Variants in GPR34 observed in about 807,000 individuals in gnomAD.
The protein encoded by GPR34 is probable G protein-coupled receptor 34.
Under a neutral mutation model 14.1 loss-of-function variants are expected in GPR34, and 3 were observed. The ratio of observed to expected loss-of-function variants is 0.21; its 90% CI spans 0.10 to 0.55. The LOEUF (loss-of-function observed/expected upper bound fraction) is 0.55, where lower values mean the gene tolerates loss of function less well. Among genes scored for constraint, GPR34 ranks in the 20% least tolerant of loss-of-function variants. The pLI, the probability that GPR34 is intolerant of heterozygous loss-of-function variation, is 0.94. For missense variants in GPR34, 213 were observed against 292.8 expected (o/e 0.73, Z 1.99); for synonymous variants, 99 against 99.9 (o/e 0.99, Z 0.05).
At chrX:41,693,143 A>G (rs1398195527) in intron 2 of GPR34, among the ~76,000 whole-genome samples, 1 of 111,533 alleles carries the variant, frequency 9.0e-6, no homozygotes, top group African/African-American at 3.3e-5. Context: ...AGCTCTCAAA[A>G]TCACATTACT....
chrX:41,692,661 T>C (rs2067593470), intron 2 of GPR34, among the ~76,000 whole-genome samples: 1 of 112,349 alleles, frequency 8.9e-6, no homozygotes, highest in African/African-American at 3.2e-5. Flanking sequence ...TTCTTTGACA[T>C]GATTTGAGTT....
chrX:41,697,100 T>C lies in GPR34; in HGVS notation c.*321T>C. ...TAAAGTAGTTATTAAAATCAAGCAC[T>C]TGATACTAATTTGAAGTGTGTTTAA... On this transcript the variant is annotated 3_prime_UTR_variant, in exon 3 of 3. Coordinates refer to ENST00000378142, the MANE Select transcript of GPR34 (RefSeq NM_001097579.2). 2 of 173,747 alleles carry C rather than the reference T, an allele frequency of 1.2e-5. No homozygotes were observed. Among genetic ancestry groups the C allele is most frequent in the East Asian group, 2.7e-4 (2 of 7,369 alleles). The allele number at this position is 173,747 out of a possible 1,213,427, so 14.3% of individuals were successfully genotyped here.
chrX:41,692,570 T>C (rs1457425511), intron 2 of GPR34, among the ~76,000 whole-genome samples: 3 of 112,937 alleles, frequency 2.7e-5, no homozygotes, highest in Non-Finnish European at 3.7e-5. Context: ...AAGACACATA[T>C]AACAAAGTGA....
chrX:41,696,919 C>T lies in GPR34; in HGVS notation c.*140C>T, dbSNP rs1192025097. On this transcript the variant is annotated 3_prime_UTR_variant, in exon 3 of 3. Coordinates refer to ENST00000378142, the MANE Select transcript of GPR34 (RefSeq NM_001097579.2). The stretch of plus-strand genomic sequence containing the variant: ...TATTTGTGATATTTCATTTGCTTAA[C>T]TGTAAACCATTTCAAGGTACTAACT... 2 of 393,385 alleles carry T rather than the reference C, an allele frequency of 5.1e-6. No homozygotes were observed. The highest frequency in any genetic ancestry group is 2.5e-5 in the African/African-American group (1 of 39,369). 32.4% of individuals were successfully genotyped at this position (393,385 alleles called of 1,213,427 possible).
In GPR34 at chrX:41,696,637, G is replaced by A. The variant is rs1393417949; in HGVS notation, c.1004G>A (p.Arg335His). 4.1e-6 allele frequency: 5 copies of A among 1,210,205 alleles called. No homozygotes were observed. Among genetic ancestry groups the A allele is most frequent in the Non-Finnish European group, 3.4e-6 (3 of 894,442 alleles). ...VMYFLMSSNIRKIMCQLLFRR... is the reference protein window; with the variant it reads ...VMYFLMSSNIHKIMCQLLFRR... ...TATTTCCTGATGTCCAGTAACATTC[G>A]CAAAATAATGTGCCAACTTCTTTTT... Residue 335 changes from arginine to histidine, a missense_variant, in exon 3 of 3, where the codon CGC (arginine) becomes CAC (histidine). Physicochemically the swap from Arg to His is conservative, Grantham distance 29. Transcript: ENST00000378142.
intron 2 of GPR34, among the ~76,000 whole-genome samples, chrX:41,691,663 C>A (rs1274476796): frequency 9.3e-6 from 1 of 108,019 alleles, no homozygotes; most frequent in Admixed American, 1.0e-4. Flanking sequence ...TCAAGACCAG[C>A]CTGGCCAACA....
In GPR34 at chrX:41,696,716, A is replaced by G. The variant is rs1260379970; in HGVS notation, c.1083A>G (p.Pro361=). Residue 361 remains proline (P), a synonymous_variant, in exon 3 of 3, where the codon CCA becomes CCG. Transcript: ENST00000378142. ...GTGAAAGCACTTCAGAATTTAAACC[A>G]GGATACTCCCTGCATGATACATCTG... ...SRSESTSEFK[P]GYSLHDTSVA... 5.0e-6 allele frequency: 6 copies of G among 1,206,772 alleles called. No homozygotes were observed. The South Asian group carries it at 8.8e-5, about 18-fold the overall frequency.
intron 2 of GPR34, among the ~76,000 whole-genome samples, chrX:41,693,482 C>T (rs1272104960): frequency 5.4e-5 from 6 of 110,168 alleles, no homozygotes; most frequent in African/African-American, 1.3e-4. Flanking sequence ...GGCATGGTGG[C>T]GGGCGCCTGT....
At chrX:41,690,995 G>GTA (rs1223675959) in intron 2 of GPR34, among the ~76,000 whole-genome samples, 1 of 111,765 alleles carries the variant, frequency 8.9e-6, no homozygotes, top group East Asian at 2.8e-4. Flanking sequence ...ATCAATAATT[G>GTA]TATGCTAGCT....
At position 41,695,733 on chromosome X, in the gene GPR34, C is replaced by A; in HGVS notation, c.100C>A (p.Pro34Thr). Residue 34 changes from proline to threonine, a missense_variant, in exon 3 of 3, where the codon CCA becomes ACA. By Grantham distance (38) the Pro-to-Thr change is conservative. Transcript: ENST00000378142. ...TATAACCAATCATAGCGACCAACCG[C>A]CACAAAACTTCTCAGCAACACCAAA... ...RFITNHSDQP[P>T]QNFSATPNVT... 2 of 1,208,715 alleles carry A rather than the reference C, an allele frequency of 1.7e-6. No individual in the cohort carries two copies. Among genetic ancestry groups the A allele is most frequent in the Non-Finnish European group, 2.2e-6 (2 of 892,846 alleles).
intron 2 of GPR34, among the ~76,000 whole-genome samples, chrX:41,690,463 C>T (rs1048964814): frequency 5.5e-5 from 6 of 109,684 alleles, no homozygotes; most frequent in African/African-American, 2.0e-4. Context: ...TCTCCAGCCT[C>T]AGCCTCCGGA....
At chrX:41,692,915 G>A (rs1039770478) in intron 2 of GPR34, among the ~76,000 whole-genome samples, 1 of 112,330 alleles carries the variant, frequency 8.9e-6, no homozygotes, top group South Asian at 3.6e-4. Flanking sequence ...TACTTGTACA[G>A]CTGCTTTTAA....
At chrX:41,692,538 T>C (rs1228881252) in intron 2 of GPR34, among the ~76,000 whole-genome samples, 8 of 113,013 alleles carry the variant, frequency 7.1e-5, no homozygotes, top group Non-Finnish European at 9.4e-5. Flanking sequence ...ATTTCTATCA[T>C]TGGTTCTTGT....
At chrX:41,689,465 TAA>T (rs1168681328) in intron 1 of GPR34, among the ~76,000 whole-genome samples, 6 of 112,056 alleles carry the variant, frequency 5.4e-5, no homozygotes, top group African/African-American at 1.6e-4. Flanking sequence ...TTATTGACTT[TAA>T]GTTATGCTGT....
chrX:41,692,346 C>T (rs982156512), intron 2 of GPR34, among the ~76,000 whole-genome samples: 1 of 111,339 alleles, frequency 9.0e-6, no homozygotes, highest in Non-Finnish European at 1.9e-5. Context: ...TTTAAAAAAC[C>T]CTCAAGAGGA....
Position 41,696,166 on chromosome X carries a change from T to C in GPR34, c.533T>C (p.Val178Ala), listed in dbSNP as rs1250232113. The C allele has an allele frequency of 8.3e-7, 1 of 1,206,903 alleles. No individual in the cohort carries two copies. Among genetic ancestry groups the C allele is most frequent in the African/African-American group, 1.7e-5 (1 of 57,718 alleles). The change falls in exon 3 of 3, where the codon GTA becomes GCA. Residue 178 changes from valine to alanine, a missense_variant. Physicochemically the swap from Val to Ala is moderately conservative, Grantham distance 64. Transcript: ENST00000378142. ...CAAAGTATTTATGTCTGTTGTATAG[T>C]ATGGATGCTTGCTCTTGGTGGATTC... ...TKQSIYVCCI[V>A]WMLALGGFLT...
At chrX:41,692,656 T>G (rs1009892693) in intron 2 of GPR34, among the ~76,000 whole-genome samples, 1 of 112,442 alleles carries the variant, frequency 8.9e-6, no homozygotes, top group Admixed American at 9.4e-5. Flanking sequence ...CTTGCTTCTT[T>G]GACATGATTT....
chrX:41,693,343 G>A (rs934094923), intron 2 of GPR34, among the ~76,000 whole-genome samples: 2 of 111,629 alleles, frequency 1.8e-5, no homozygotes, highest in Non-Finnish European at 3.8e-5. Context: ...GTTGGGCATA[G>A]TGGCTCACAC....
Position 41,696,590 on chromosome X carries a change from T to C in GPR34, c.957T>C (p.Asn319=), listed in dbSNP as rs756069075. 3 of 1,209,440 alleles carry C rather than the reference T, an allele frequency of 2.5e-6. No homozygotes were observed. The highest frequency in any genetic ancestry group is 3.5e-5 in the South Asian group (2 of 56,880). The change falls in exon 3 of 3, where the codon AAT becomes AAC. Residue 319 remains asparagine, a synonymous_variant. Transcript: ENST00000378142. The part of the protein sequence containing the change: ...NEIMLVLSSF[N]SCLDPVMYFL... ...TCATGCTGGTTCTCTCATCTTTCAATAGTTGCTTAGATCCAGTCATGTATT... is the reference window on the plus strand; with the variant it reads ...TCATGCTGGTTCTCTCATCTTTCAACAGTTGCTTAGATCCAGTCATGTATT...
Sources: allele counts gnomAD v4.1 joint callset (sites outside exome capture counted in the v4.1 genomes callset), GRCh38; gene constraint gnomAD v4.1.1; transcripts MANE v1.5; gene names NCBI Gene and HGNC (gene_info 2026-07-23, HGNC 2026-07-21).